OR2AG2: variants seen among roughly 807,000 people sequenced by gnomAD.
The protein encoded by OR2AG2 is olfactory receptor 2AG2.
For synonymous variants in OR2AG2, 167 were observed against 157.1 expected (o/e 1.06, Z -0.47); for missense variants, 390 against 391.9 (o/e 1.00, Z 0.04).
chr11:6,769,932 A>G (rs1357271297), intron 1 of OR2AG2, among the ~76,000 whole-genome samples: 1 of 152,150 alleles, frequency 6.6e-6, no homozygotes, highest in Non-Finnish European at 1.5e-5. Flanking sequence ...CTTTTTGTGA[A>G]TGCAGTTTTT....
At position 6,768,725 on chromosome 11, in the gene OR2AG2, G is replaced by C; in HGVS notation, c.233C>G (p.Thr78Ser). 6.2e-7 allele frequency: 1 copy of C among 1,614,186 alleles called. No individual in the cohort carries two copies. Among genetic ancestry groups the C allele is most frequent in the Non-Finnish European group, 8.5e-7 (1 of 1,180,022 alleles). ...CAGAAAGTCCGCAAGGGCCTTGGGA[G>C]TGACAACAGATGTGAACAGGAGGTC... ...LMDLLFTSVVTPKALADFLRR... is the reference protein window; with the variant it reads ...LMDLLFTSVVSPKALADFLRR... Residue 78 changes from threonine (T) to serine (S), a missense_variant, in exon 2 of 2, where the codon ACT becomes AGT. Physicochemically the swap from Thr to Ser is moderately conservative, Grantham distance 58. Transcript: ENST00000641124.
chr11:6,767,986 G>C lies in OR2AG2; in HGVS notation c.*21C>G, dbSNP rs745904852. ...ATTTTATCTGGAGGAGGAATGGTGA[G>C]AGGCAAGCCATGATCCTTCCCTAGA... On this transcript the variant is annotated 3_prime_UTR_variant, in exon 2 of 2. Transcript: ENST00000641124. 2 of 1,567,954 alleles carry C rather than the reference G, an allele frequency of 1.3e-6. No individual in the cohort carries two copies. Among genetic ancestry groups the C allele is most frequent in the East Asian group, 2.2e-5 (1 of 44,498 alleles).
chr11:6,768,450 C>T lies in OR2AG2; in HGVS notation c.508G>A (p.Val170Met). 1 of 1,614,104 alleles carries T rather than the reference C, an allele frequency of 6.2e-7. No homozygotes were observed. Among genetic ancestry groups the T allele is most frequent in the Non-Finnish European group, 8.5e-7 (1 of 1,180,018 alleles). Reference protein sequence around the residue: ...TMYTMHLPFCVSWEIRHLLCE... With the variant: ...TMYTMHLPFCMSWEIRHLLCE... Reference sequence around the variant, plus strand: ...AGCAGATGCCTGATTTCCCAGGACACACAGAAAGGGAGGTGCATAGTGTAC... The same window carrying T: ...AGCAGATGCCTGATTTCCCAGGACATACAGAAAGGGAGGTGCATAGTGTAC... Residue 170 changes from valine to methionine, a missense_variant, in exon 2 of 2, where the codon GTG (valine) becomes ATG (methionine). Val to Met is a conservative substitution (Grantham distance 21, BLOSUM62 1). Transcript: ENST00000641124.
Position 6,768,856 on chromosome 11 carries a change from T to A in OR2AG2, c.102A>T (p.Leu34=). ...PELLYATFTI[L]YMLALTSNGL... ...CATTGCTGGTCAGTGCCAACATGTATAGGATTGTAAATGTAGCATAGAGCA... is the reference window on the plus strand; with the variant it reads ...CATTGCTGGTCAGTGCCAACATGTAAAGGATTGTAAATGTAGCATAGAGCA... The change falls in exon 2 of 2, where the codon CTA becomes CTT. Residue 34 remains leucine (L), a synonymous_variant. Coordinates refer to ENST00000641124, the MANE Select transcript of OR2AG2 (RefSeq NM_001004490.2). 6.2e-7 allele frequency: 1 copy of A among 1,614,088 alleles called. No individual in the cohort carries two copies.
chr11:6,771,329 A>C (rs1847444912), intron 1 of OR2AG2, among the ~76,000 whole-genome samples: 1 of 152,218 alleles, frequency 6.6e-6, no homozygotes. Flanking sequence ...AAACTACTGG[A>C]GGCCAGGAAA....
intron 1 of OR2AG2, among the ~76,000 whole-genome samples, chr11:6,771,108 T>C (rs909500254): frequency 1.3e-5 from 2 of 152,264 alleles, no homozygotes; most frequent in Non-Finnish European, 2.9e-5. Flanking sequence ...AAATGGTCAG[T>C]CAATTAACAA....
chr11:6,765,915 A>G lies in OR2AG2; in HGVS notation c.*2092T>C, dbSNP rs903601725. On this transcript the variant is annotated 3_prime_UTR_variant, in exon 2 of 2. Transcript: ENST00000641124. ...AGTTGGCTTGATTTAGCAATTCCAT[A>G]AAGTATACATATTTCAAAACATCAT... 6.6e-5 allele frequency: 10 copies of G among 152,196 alleles called. No individual in the cohort carries two copies. Among genetic ancestry groups the G allele is most frequent in the African/African-American group, 2.4e-4 (10 of 41,478 alleles). The allele number at this position is 152,196 out of a possible 1,614,324, so 9.4% of individuals were successfully genotyped here. A position where few individuals can be genotyped will look rare whatever the true frequency, so the allele number is the denominator to read the frequency against.
In OR2AG2 at chr11:6,768,645, G is replaced by A. The variant is rs749550078; in HGVS notation, c.313C>T (p.Leu105=). 1 of 1,614,192 alleles carries A rather than the reference G, an allele frequency of 6.2e-7. No homozygotes were observed. The highest frequency in any genetic ancestry group is 1.1e-5 in the South Asian group (1 of 91,084). The stretch of plus-strand genomic sequence containing the variant: ...AGGTCCTCAGCGCTACCCATTGTCA[G>A]TGCCAGGAACATCTGAAGTGCACAG... ...GGCALQMFLA[L]TMGSAEDLLL... Residue 105 remains leucine, a synonymous_variant, in exon 2 of 2, where the codon CTG becomes TTG. Transcript: ENST00000641124.
rs970736852 is a variant in OR2AG2 at position 6,769,273 on chromosome 11, C to A, written c.-316G>T. 8.1e-5 allele frequency: 21 copies of A among 257,934 alleles called. No individual in the cohort carries two copies. Among genetic ancestry groups the A allele is most frequent in the Non-Finnish European group, 1.5e-4 (21 of 135,692 alleles). 16.0% of individuals were successfully genotyped at this position (257,934 alleles called of 1,614,324 possible). A position where few individuals can be genotyped will look rare whatever the true frequency, so the allele number is the denominator to read the frequency against. On this transcript the variant is annotated 5_prime_UTR_variant, in exon 2 of 2. Coordinates refer to ENST00000641124, the MANE Select transcript of OR2AG2 (RefSeq NM_001004490.2). ...AGATAGATGAAAGCATCTCTTTCTT[C>A]ACAATGAACAAATATACTGGGGATT...
At position 6,768,449 on chromosome 11, in the gene OR2AG2, A is replaced by G. The variant is rs1847405275; in HGVS notation, c.509T>C (p.Val170Ala). 6.2e-7 allele frequency: 1 copy of G among 1,614,026 alleles called. No individual in the cohort carries two copies. Residue 170 changes from valine (V) to alanine (A), a missense_variant, in exon 2 of 2, where the codon GTG becomes GCG. Coordinates refer to ENST00000641124, the MANE Select transcript of OR2AG2 (RefSeq NM_001004490.2). ...GAGCAGATGCCTGATTTCCCAGGAC[A>G]CACAGAAAGGGAGGTGCATAGTGTA... Reference protein sequence around the residue: ...TMYTMHLPFCVSWEIRHLLCE... With the variant: ...TMYTMHLPFCASWEIRHLLCE...
At chr11:6,770,688 T>G (rs1040393838) in intron 1 of OR2AG2, among the ~76,000 whole-genome samples, 1 of 152,248 alleles carries the variant, frequency 6.6e-6, no homozygotes, top group Non-Finnish European at 1.5e-5. Flanking sequence ...AAGCACTATT[T>G]CTGCTAAATA....
chr11:6,768,565 T>G lies in OR2AG2; in HGVS notation c.393A>C (p.Lys131Asn), dbSNP rs774542283. The change falls in exon 2 of 2, where the codon AAA (lysine) becomes AAC (asparagine). Residue 131 changes from lysine to asparagine, a missense_variant. Lys to Asn is a moderately conservative substitution (Grantham distance 94). Transcript: ENST00000641124. ...CTCTTGGGCTCATGAGGGTCATGTA[T>G]TTCAGAGGATGACAAATGGCCACAT... ...DRYVAICHPLKYMTLMSPRVC... is the reference protein window; with the variant it reads ...DRYVAICHPLNYMTLMSPRVC... 3 of 1,614,146 alleles carry G rather than the reference T, an allele frequency of 1.9e-6. No individual in the cohort carries two copies. The South Asian group carries it at 3.3e-5, about 18-fold the overall frequency.
In OR2AG2 at chr11:6,768,756, G is replaced by C. The variant is rs912316715; in HGVS notation, c.202C>G (p.Leu68Val). 6.2e-7 allele frequency: 1 copy of C among 1,614,170 alleles called. No homozygotes were observed. Among genetic ancestry groups the C allele is most frequent in the Non-Finnish European group, 8.5e-7 (1 of 1,180,026 alleles). Residue 68 changes from leucine to valine, a missense_variant, in exon 2 of 2, where the codon CTC (leucine) becomes GTC (valine). Physicochemically the swap from Leu to Val is conservative, Grantham distance 32. Coordinates refer to ENST00000641124, the MANE Select transcript of OR2AG2 (RefSeq NM_001004490.2). ...PMYLLLGQLS[L>V]MDLLFTSVVT... is the part of the protein sequence containing the mutation. ...ACAGATGTGAACAGGAGGTCCATGA[G>C]AGAGAGCTGCCCAAGCAGGAGGTAC...
At position 6,769,232 on chromosome 11, in the gene OR2AG2, A is replaced by G. The variant is rs948874987; in HGVS notation, c.-275T>C. 2.2e-5 allele frequency: 8 copies of G among 363,766 alleles called. No homozygotes were observed. Among genetic ancestry groups the G allele is most frequent in the African/African-American group, 1.6e-4 (8 of 48,730 alleles). 22.5% of individuals were successfully genotyped at this position (363,766 alleles called of 1,614,324 possible). ...ATAAGGTATCCTGAAGAATAAGCCCAAGCAAACATCTTTGTAGATAGATGA... is the reference window on the plus strand; with the variant it reads ...ATAAGGTATCCTGAAGAATAAGCCCGAGCAAACATCTTTGTAGATAGATGA... On this transcript the variant is annotated 5_prime_UTR_variant, in exon 2 of 2. Transcript: ENST00000641124.
chr11:6,769,000 G>A lies in OR2AG2; in HGVS notation c.-43C>T, dbSNP rs1213301373. 2.8e-6 allele frequency: 4 copies of A among 1,446,626 alleles called. No individual in the cohort carries two copies. The highest frequency in any genetic ancestry group is 2.5e-5 in the South Asian group (2 of 79,558). The allele number at this position is 1,446,626 out of a possible 1,614,324, so 89.6% of individuals were successfully genotyped here. A position where few individuals can be genotyped will look rare whatever the true frequency, so the allele number is the denominator to read the frequency against. ...GCCTAGAACCAAATATATTATCAGT[G>A]GAAGCTTTTCTAAAGGTGTTCACTC... is the stretch of plus-strand genomic sequence containing the variant. On this transcript the variant is annotated 5_prime_UTR_variant, in exon 2 of 2. Transcript: ENST00000641124.
rs1266616813 is a variant in OR2AG2 at position 6,766,105 on chromosome 11, G to C, written c.*1902C>G. The C allele has an allele frequency of 6.6e-6, 1 of 152,142 alleles. No homozygotes were observed. The highest frequency in any genetic ancestry group is 1.5e-5 in the Non-Finnish European group (1 of 68,008). 9.4% of individuals were successfully genotyped at this position (152,142 alleles called of 1,614,324 possible). A position where few individuals can be genotyped will look rare whatever the true frequency, so the allele number is the denominator to read the frequency against. Reference sequence around the variant, plus strand: ...CACAGTTTACTAAGCTGTGGTCTCAGTACCTGATATTAATTATCTTATTTA... The same window carrying C: ...CACAGTTTACTAAGCTGTGGTCTCACTACCTGATATTAATTATCTTATTTA... On this transcript the variant is annotated 3_prime_UTR_variant, in exon 2 of 2. Transcript: ENST00000641124.
At position 6,768,133 on chromosome 11, in the gene OR2AG2, A is replaced by G. The variant is rs1847396826; in HGVS notation, c.825T>C (p.Ser275=). The G allele has an allele frequency of 6.2e-7, 1 of 1,614,058 alleles. No individual in the cohort carries two copies. ...CTGGAGTGACAATTGTGTAGAAAAC[A>G]GAGATGATGTTGTCTTGTTTGGGGC... The part of the protein sequence containing the change: ...FHSPKQDNII[S]VFYTIVTPAL... Residue 275 remains serine, a synonymous_variant, in exon 2 of 2, where the codon TCT becomes TCC. Coordinates refer to ENST00000641124, the MANE Select transcript of OR2AG2 (RefSeq NM_001004490.2).
intron 1 of OR2AG2, among the ~76,000 whole-genome samples, 161 bp downstream of exon 1, chr11:6,771,461 G>C (rs1009531232): frequency 6.6e-5 from 10 of 152,142 alleles, no homozygotes; most frequent in Admixed American, 3.3e-4. Flanking sequence ...TGTGCAAGAT[G>C]GGTACATGTA....
At position 6,769,041 on chromosome 11, in the gene OR2AG2, C is replaced by T; in HGVS notation, c.-84G>A. 1 of 958,960 alleles carries T rather than the reference C, an allele frequency of 1.0e-6. No individual in the cohort carries two copies. The highest frequency in any genetic ancestry group is 2.5e-5 in the East Asian group (1 of 39,760). The allele number at this position is 958,960 out of a possible 1,614,324, so 59.4% of individuals were successfully genotyped here. A position where few individuals can be genotyped will look rare whatever the true frequency, so the allele number is the denominator to read the frequency against. ...GTGTTCACTCTAGCTTTGGATTGTT[C>T]TAGGTCACTGTGCATTGGCCAATAG... On this transcript the variant is annotated 5_prime_UTR_variant, in exon 2 of 2. It removes the in-frame stop codon of an upstream open reading frame in the 5' UTR. Transcript: ENST00000641124.
Sources: gnomAD v4.1 joint callset for allele counts (sites outside exome capture counted in the v4.1 genomes callset) on GRCh38, gnomAD v4.1.1 for gene constraint, MANE v1.5 for transcripts, NCBI Gene and HGNC (gene_info 2026-07-23, HGNC 2026-07-21) for gene names.